Variants in LRBA observed in about 807,000 individuals in gnomAD.
The protein encoded by LRBA is lipopolysaccharide-responsive and beige-like anchor protein.
LRBA carries 176 observed loss-of-function variants against 330.0 expected under a neutral mutation model. The observed-to-expected ratio is 0.53, with a 90% CI of 0.47 to 0.60. The LOEUF is 0.60. LRBA is among the 20% of genes least tolerant of loss of function. The pLI, the probability that LRBA is intolerant of heterozygous loss-of-function variation, is 0.00. For missense variants in LRBA, 3,259 were observed against 3,444.8 expected, an observed-to-expected ratio of 0.95 and a Z score of 1.35; for synonymous variants, 1,230 against 1,193.0, an observed-to-expected ratio of 1.03 and a Z score of -0.64.
At chr4:150,357,528 A>G (rs1385175009) in intron 47 of LRBA, among the ~76,000 whole-genome samples, 1 of 152,072 alleles carries the variant, frequency 6.6e-6, no homozygotes, top group Non-Finnish European at 1.5e-5. Context: ...CTTTAGAACT[A>G]CAGAACATTA....
At chr4:150,708,906 C>A (rs958879227) in intron 36 of LRBA, among the ~76,000 whole-genome samples, 2 of 151,740 alleles carry the variant, frequency 1.3e-5, no homozygotes, top group Non-Finnish European at 3.0e-5. Context: ...ATGAATACAA[C>A]CCTTTCAGTC....
intron 47 of LRBA, among the ~76,000 whole-genome samples, chr4:150,357,917 A>G (rs543124470): frequency 6.6e-6 from 1 of 152,250 alleles, no homozygotes; most frequent in South Asian, 2.1e-4. Flanking sequence ...TTTGCTGCTA[A>G]GCTTTCTAGC....
intron 2 of LRBA, among the ~76,000 whole-genome samples, chr4:150,964,124 G>T (rs905775414): frequency 1.3e-5 from 2 of 148,704 alleles, no homozygotes; most frequent in Non-Finnish European, 2.9e-5. Flanking sequence ...CGTCCAGGAG[G>T]TGGGGGGCAG....
At chr4:150,878,146 A>T (rs1309332327) in intron 17 of LRBA, among the ~76,000 whole-genome samples, 1 of 151,884 alleles carries the variant, frequency 6.6e-6, no homozygotes, top group Non-Finnish European at 1.5e-5. Flanking sequence ...CAGCCTGGCC[A>T]ACATGGTGAA....
chr4:150,365,947 T>G (rs1332221278), intron 47 of LRBA, among the ~76,000 whole-genome samples: 2 of 152,214 alleles, frequency 1.3e-5, no homozygotes, highest in East Asian at 3.8e-4. Flanking sequence ...ACTACCCGAT[T>G]GGTTCTACGT....
At chr4:150,694,429 A>G (rs577224479) in intron 36 of LRBA, among the ~76,000 whole-genome samples, 1 of 132,362 alleles carries the variant, frequency 7.6e-6, no homozygotes, top group East Asian at 2.5e-4. Context: ...AGGTCTTTGT[A>G]CTTGATCCCT....
At chr4:150,618,236 A>G (rs1314746131) in intron 37 of LRBA, among the ~76,000 whole-genome samples, 1 of 152,172 alleles carries the variant, frequency 6.6e-6, no homozygotes, top group Non-Finnish European at 1.5e-5. Context: ...TGCTTCATTC[A>G]TTTAGTTATA....
chr4:150,674,192 T>C (rs1782325579), intron 37 of LRBA, among the ~76,000 whole-genome samples: 1 of 151,682 alleles, frequency 6.6e-6, no homozygotes, highest in African/African-American at 2.4e-5. Flanking sequence ...TTTTGGGGTT[T>C]TTTTTTTGCA....
chr4:150,763,740 C>T lies in LRBA; in HGVS notation c.5581-1893G>A, dbSNP rs566746093. On this transcript the variant is annotated intron_variant, in intron 34 of 56. Transcript: ENST00000651943. ...CAGAGAGATAAGACTCAAAGACTTA[C>T]CCTAAATCTAGTAATGCACAAGAAC... Among the ~76,000 whole-genome samples the T allele has an allele frequency of 2.6e-5, 4 of 151,544 alleles. No homozygotes were observed. The East Asian group carries it at 7.7e-4, about 29-fold the overall frequency.
Position 150,445,344 on chromosome 4 carries a change from CCT to C in LRBA, c.6781-8482_6781-8481del, listed in dbSNP as rs1317931739. Among the ~76,000 whole-genome samples, 413 of 59,174 alleles carry C rather than the reference CCT, an allele frequency of 7.0e-3. 1 individual carries two copies. Among genetic ancestry groups the C allele is most frequent in the Non-Finnish European group, 9.5e-3 (304 of 31,998 alleles). The allele number at this position is 59,174 out of a possible 152,430, so 38.8% of individuals were successfully genotyped here. On this transcript the variant is annotated intron_variant, in intron 44 of 56. Coordinates refer to ENST00000651943, the MANE Select transcript of LRBA (RefSeq NM_001364905.1). ...TAAAACTGGTTTTAATTTCGGAAAA[CCT>C]CTCTCTCTCTCTCTCTCTCTCTCTC...
At chr4:150,347,270 T>C (rs74910766) in intron 48 of LRBA, among the ~76,000 whole-genome samples, 3,289 of 152,232 alleles carry the variant, frequency 0.022, 120 homozygotes, top group African/African-American at 0.075. Context: ...TTTGGGAAGA[T>C]GAAACATTTC....
intron 42 of LRBA, among the ~76,000 whole-genome samples, chr4:150,480,718 T>C (rs1264551240): frequency 2.0e-5 from 3 of 152,182 alleles, no homozygotes; most frequent in Admixed American, 1.3e-4. Flanking sequence ...CAGTTTTACA[T>C]AGATGTAATA....
At chr4:150,961,376 C>T (rs1738128103) in intron 2 of LRBA, among the ~76,000 whole-genome samples, 2 of 149,042 alleles carry the variant, frequency 1.3e-5, no homozygotes, top group African/African-American at 5.2e-5. Context: ...TGCATAAGAG[C>T]TAAAGAGAAA....
At chr4:150,300,309 A>G (rs1290514940) in intron 53 of LRBA, among the ~76,000 whole-genome samples, 3 of 152,078 alleles carry the variant, frequency 2.0e-5, no homozygotes, top group Non-Finnish European at 4.4e-5. Context: ...GATACATTAC[A>G]ATTTTCTAAA....
At chr4:150,316,681 TA>T (rs1270514995) in intron 50 of LRBA, among the ~76,000 whole-genome samples, 2 of 152,184 alleles carry the variant, frequency 1.3e-5, no homozygotes, top group Non-Finnish European at 2.9e-5. Context: ...ACCGGTGGGC[TA>T]GGGGAGGTCC....
At chr4:150,918,822 T>C (rs1045672638) in intron 5 of LRBA, among the ~76,000 whole-genome samples, 2 of 152,204 alleles carry the variant, frequency 1.3e-5, no homozygotes, top group Non-Finnish European at 2.9e-5. Flanking sequence ...TATACATTGC[T>C]GTGGGATCGT....
intron 2 of LRBA, among the ~76,000 whole-genome samples, chr4:150,947,582 T>C (rs773835847): frequency 6.6e-6 from 1 of 152,094 alleles, no homozygotes; most frequent in Non-Finnish European, 1.5e-5. Flanking sequence ...TTATACTCAA[T>C]GATAAAAGAC....
chr4:150,424,444 A>G (rs1749268671), intron 46 of LRBA, among the ~76,000 whole-genome samples: 4 of 152,228 alleles, frequency 2.6e-5, no homozygotes, highest in Admixed American at 2.6e-4. Flanking sequence ...AATGTGAGCT[A>G]TATGTACATC....
At chr4:150,639,817 G>A (rs4536906) in intron 37 of LRBA, among the ~76,000 whole-genome samples, 305 of 5,224 alleles carry the variant, frequency 0.058, 10 homozygotes, top group Middle Eastern at 0.33. Context: ...GTGTGTGTGT[G>A]TGTATATATA....
Sources: gnomAD v4.1 joint callset for allele counts (sites outside exome capture counted in the v4.1 genomes callset) on GRCh38, gnomAD v4.1.1 for gene constraint, MANE v1.5 for transcripts, NCBI Gene and HGNC (gene_info 2026-07-23, HGNC 2026-07-21) for gene names.